Variants in OR4M1 observed in about 807,000 individuals in gnomAD.
OR4M1 encodes olfactory receptor 4M1.
OR4M1 carries 7 observed loss-of-function variants against 9.8 expected under a neutral mutation model. The ratio of observed to expected loss-of-function variants is 0.71; its 90% CI spans 0.41 to 1.34. The LOEUF (loss-of-function observed/expected upper bound fraction) is 1.34, where lower values mean the gene tolerates loss of function less well. Among genes scored for constraint, OR4M1 ranks in the 40% most tolerant of loss-of-function variants. The pLI, the probability that OR4M1 is intolerant of heterozygous loss-of-function variation, is 0.01. For synonymous variants in OR4M1, 121 were observed against 139.8 expected, an observed-to-expected ratio of 0.87 and a Z score of 0.95; for missense variants, 331 against 380.4, an observed-to-expected ratio of 0.87 and a Z score of 1.08.
chr14:19,781,367 T>C lies in OR4M1; in HGVS notation c.*103T>C. ...ATTCACTTCCTCCGTTCATTTGTGTTCTTAAAATTTTACTATAATTTTTCT... is the reference window on the plus strand; with the variant it reads ...ATTCACTTCCTCCGTTCATTTGTGTCCTTAAAATTTTACTATAATTTTTCT... On this transcript the variant is annotated 3_prime_UTR_variant, in exon 2 of 2. Coordinates refer to ENST00000641200, the MANE Select transcript of OR4M1 (RefSeq NM_001005500.2). 2.8e-6 allele frequency: 3 copies of C among 1,080,542 alleles called. No individual in the cohort carries two copies. Among genetic ancestry groups the C allele is most frequent in the Non-Finnish European group, 3.9e-6 (3 of 768,940 alleles). 66.9% of individuals were successfully genotyped at this position (1,080,542 alleles called of 1,614,324 possible). A position where few individuals can be genotyped will look rare whatever the true frequency, so the allele number is the denominator to read the frequency against.
chr14:19,776,510 A>T (rs1281911576), intron 1 of OR4M1, among the ~76,000 whole-genome samples: 1 of 152,254 alleles, frequency 6.6e-6, no homozygotes, highest in African/African-American at 2.4e-5. Context: ...GCAGAAGCTT[A>T]GGAGAAGTAG....
In OR4M1 at chr14:19,781,775, T is replaced by A. The variant is rs1878507137; in HGVS notation, c.*511T>A. ...ATTATTTGTCCTTTATCTCCTCTTA[T>A]TTCCAGAGTTGATGGAAAATGAGGA... On this transcript the variant is annotated 3_prime_UTR_variant, in exon 2 of 2. Transcript: ENST00000641200. 1.3e-5 allele frequency: 2 copies of A among 156,292 alleles called. No individual in the cohort carries two copies. The highest frequency in any genetic ancestry group is 1.3e-4 in the Admixed American group (2 of 15,774). The allele number at this position is 156,292 out of a possible 1,614,324, so 9.7% of individuals were successfully genotyped here.
intron 1 of OR4M1, among the ~76,000 whole-genome samples, chr14:19,778,393 T>C (rs962960405): frequency 2.0e-5 from 3 of 152,162 alleles, no homozygotes; most frequent in African/African-American, 7.2e-5. Flanking sequence ...CATGTCCCCA[T>C]AATAATAAAA....
chr14:19,774,800 C>T (rs887828279), intron 1 of OR4M1, among the ~76,000 whole-genome samples: 13 of 152,040 alleles, frequency 8.6e-5, no homozygotes, highest in African/African-American at 3.1e-4. Context: ...TTATTATTTC[C>T]ATTGCACTGA....
intron 1 of OR4M1, among the ~76,000 whole-genome samples, chr14:19,777,007 C>CAT (rs71431978): frequency 0.1 from 4,656 of 45,258 alleles, 148 homozygotes; most frequent in Non-Finnish European, 0.12. Context: ...TTGTTTAAGC[C>CAT]ATATATATAT....
Position 19,780,432 on chromosome 14 carries a change from T to C in OR4M1, c.110T>C (p.Phe37Ser), listed in dbSNP as rs1566451922. The C allele has an allele frequency of 1.2e-6, 2 of 1,614,172 alleles. No individual in the cohort carries two copies. The highest frequency in any genetic ancestry group is 3.3e-5 in the Admixed American group (2 of 60,032). The change falls in exon 2 of 2, where the codon TTC becomes TCC. Residue 37 changes from phenylalanine to serine, a missense_variant. Phe to Ser is a radical substitution (Grantham distance 155, BLOSUM62 -2). This residue lies in a region of OR4M1 where 209 missense variants were observed against 200.0 expected (regional missense o/e 1.04). Coordinates refer to ENST00000641200, the MANE Select transcript of OR4M1 (RefSeq NM_001005500.2). ...GTTATATTTCTATCCTTCTATTTGT[T>C]CATCCTACCAGGAAATATCCTTATC... The part of the protein sequence containing the change: ...LFVIFLSFYL[F>S]ILPGNILIIC...
chr14:19,775,000 T>C (rs1594375380), intron 1 of OR4M1, among the ~76,000 whole-genome samples: 1 of 152,338 alleles, frequency 6.6e-6, no homozygotes, highest in East Asian at 1.9e-4. Flanking sequence ...TTTTCATCCA[T>C]GACAAGATGG....
At chr14:19,775,191 A>G (rs983436886) in intron 1 of OR4M1, among the ~76,000 whole-genome samples, 1 of 152,222 alleles carries the variant, frequency 6.6e-6, no homozygotes, top group African/African-American at 2.4e-5. Flanking sequence ...TTGCTTCCTG[A>G]TAAGAGACCA....
rs1287445261 is a variant in OR4M1 at position 19,782,764 on chromosome 14, T to C, written c.*1500T>C. On this transcript the variant is annotated 3_prime_UTR_variant, in exon 2 of 2. Transcript: ENST00000641200. Reference sequence around the variant, plus strand: ...TGGATTGATGTTATGAGTCCTGATTTTTGAGTTGACTTCTCATCACCTGGA... The same window carrying C: ...TGGATTGATGTTATGAGTCCTGATTCTTGAGTTGACTTCTCATCACCTGGA... 1 of 152,238 alleles carries C rather than the reference T, an allele frequency of 6.6e-6. No individual in the cohort carries two copies. The highest frequency in any genetic ancestry group is 1.5e-5 in the Non-Finnish European group (1 of 68,046). 9.4% of individuals were successfully genotyped at this position (152,238 alleles called of 1,614,324 possible).
rs929500158 is a variant in OR4M1, at chr14:19,782,729, C to A, written c.*1465C>A. 1.3e-5 allele frequency: 2 copies of A among 152,200 alleles called. No individual in the cohort carries two copies. The highest frequency in any genetic ancestry group is 4.8e-5 in the African/African-American group (2 of 41,456). The allele number at this position is 152,200 out of a possible 1,614,324, so 9.4% of individuals were successfully genotyped here. On this transcript the variant is annotated 3_prime_UTR_variant, in exon 2 of 2. Coordinates refer to ENST00000641200, the MANE Select transcript of OR4M1 (RefSeq NM_001005500.2). ...TGCTACGTTACTTCTCTTCTAGGAA[C>A]CCAAAGGCATGGATTGATGTTATGA...
chr14:19,782,815 A>T lies in OR4M1; in HGVS notation c.*1551A>T, dbSNP rs1323334101. 6.6e-6 allele frequency: 1 copy of T among 152,142 alleles called. No homozygotes were observed. Among genetic ancestry groups the T allele is most frequent in the African/African-American group, 2.4e-5 (1 of 41,450 alleles). The allele number at this position is 152,142 out of a possible 1,614,324, so 9.4% of individuals were successfully genotyped here. A position where few individuals can be genotyped will look rare whatever the true frequency, so the allele number is the denominator to read the frequency against. On this transcript the variant is annotated 3_prime_UTR_variant, in exon 2 of 2. Coordinates refer to ENST00000641200, the MANE Select transcript of OR4M1 (RefSeq NM_001005500.2). ...AGTGAATAAAGCAGTAGACTTCTCT[A>T]ACATTTTGTAACACAGCATGAAAAA... is the stretch of plus-strand genomic sequence containing the variant.
Position 19,782,990 on chromosome 14 carries a change from A to T in OR4M1, c.*1726A>T, listed in dbSNP as rs1266711836. 6.6e-6 allele frequency: 1 copy of T among 152,218 alleles called. No individual in the cohort carries two copies. The highest frequency in any genetic ancestry group is 1.9e-4 in the East Asian group (1 of 5,200). The allele number at this position is 152,218 out of a possible 1,614,324, so 9.4% of individuals were successfully genotyped here. A position where few individuals can be genotyped will look rare whatever the true frequency, so the allele number is the denominator to read the frequency against. On this transcript the variant is annotated 3_prime_UTR_variant, in exon 2 of 2. Transcript: ENST00000641200. ...CTTATCTTTCATCAAACTAGGGCTG[A>T]TGTTCTTTGGAAAGGGACCACTGAT...
chr14:19,773,994 C>A (rs1343956745), intron 1 of OR4M1, among the ~76,000 whole-genome samples: 1 of 152,214 alleles, frequency 6.6e-6, no homozygotes, highest in East Asian at 1.9e-4. Context: ...CCCTTTACTC[C>A]TGAAAGAAAG....
Position 19,780,621 on chromosome 14 carries a change from A to C in OR4M1, c.299A>C (p.Gln100Pro), listed in dbSNP as rs770848213. ...ATTTCCTTTGGTGGATGCATTGCAC[A>C]GCTCTTCTTCTTACACTTTGTTGGG... ...KIISFGGCIA[Q>P]LFFLHFVGAS... is the part of the protein sequence containing the mutation. Residue 100 changes from glutamine to proline, a missense_variant, in exon 2 of 2, where the codon CAG (glutamine) becomes CCG (proline). By Grantham distance (76) the Gln-to-Pro change is moderately conservative. Transcript: ENST00000641200. 6.2e-7 allele frequency: 1 copy of C among 1,614,226 alleles called. No homozygotes were observed. The highest frequency in any genetic ancestry group is 1.1e-5 in the South Asian group (1 of 91,090).
At chr14:19,777,050 T>TATGTATATA in intron 1 of OR4M1, among the ~76,000 whole-genome samples, 1 of 75,140 alleles carries the variant, frequency 1.3e-5, no homozygotes, top group Admixed American at 1.6e-4. Flanking sequence ...ATATATATAT[T>TATGTATATA]GTTTGTTTGT....
intron 1 of OR4M1, among the ~76,000 whole-genome samples, chr14:19,779,266 AT>A (rs1248939159): frequency 6.6e-6 from 1 of 152,192 alleles, no homozygotes; most frequent in Non-Finnish European, 1.5e-5. Flanking sequence ...TTAATATTTA[AT>A]TTTTTAAGCA....
chr14:19,780,057 T>A (rs1594377774), intron 1 of OR4M1, among the ~76,000 whole-genome samples: 2 of 152,378 alleles, frequency 1.3e-5, no homozygotes, highest in South Asian at 4.1e-4. Context: ...TTTTTAACAT[T>A]AACAAGCCGA....
intron 1 of OR4M1, among the ~76,000 whole-genome samples, chr14:19,774,949 C>T (rs1439022297): frequency 6.6e-6 from 1 of 152,116 alleles, no homozygotes; most frequent in Non-Finnish European, 1.5e-5. Flanking sequence ...AATGGACCCT[C>T]TCTTGGCCAA....
chr14:19,780,777 G>T lies in OR4M1; in HGVS notation c.455G>T (p.Gly152Val), dbSNP rs1316639867. Residue 152 changes from glycine to valine, a missense_variant, in exon 2 of 2, where the codon GGC becomes GTC. This residue lies in a region of OR4M1 where 209 missense variants were observed against 200.0 expected (regional missense o/e 1.04). Coordinates refer to ENST00000641200, the MANE Select transcript of OR4M1 (RefSeq NM_001005500.2). ...CTGGTGGCTCTCTCCTGGATGGGGG[G>T]CTTCATTCATTCTATAATACAGGTG... ...CILVALSWMG[G>V]FIHSIIQVAL... 6.8e-6 allele frequency: 11 copies of T among 1,614,218 alleles called. No homozygotes were observed. The highest frequency in any genetic ancestry group is 8.5e-6 in the Non-Finnish European group (10 of 1,180,034).
Sources: allele counts gnomAD v4.1 joint callset (sites outside exome capture counted in the v4.1 genomes callset), GRCh38; gene constraint gnomAD v4.1.1; regional missense constraint gnomAD v4.1.1; transcripts MANE v1.5; gene names NCBI Gene and HGNC (gene_info 2026-07-23, HGNC 2026-07-21).